ADAMTS6: variants seen among roughly 807,000 people sequenced by gnomAD.
The protein encoded by ADAMTS6 is ADAM metallopeptidase with thrombospondin type 1 motif 6.
Under a neutral mutation model 144.3 loss-of-function variants are expected in ADAMTS6, and 23 were observed. That is an observed-to-expected ratio of 0.16 (90% confidence interval 0.11 to 0.23). The LOEUF (loss-of-function observed/expected upper bound fraction) is 0.23, where lower values mean the gene tolerates loss of function less well. ADAMTS6 is among the 10% of genes least tolerant of loss of function. The pLI is 1.00. For synonymous variants in ADAMTS6, 444 were observed against 457.5 expected (o/e 0.97, Z 0.38); for missense variants, 999 against 1,379.6 (o/e 0.72, Z 4.37).
intron 21 of ADAMTS6, among the ~76,000 whole-genome samples, chr5:65,189,342 AT>A (rs1754862166): frequency 6.6e-6 from 1 of 152,168 alleles, no homozygotes; most frequent in Non-Finnish European, 1.5e-5. Context: ...CTGGTTTAGA[AT>A]TTTTATATCT....
intron 2 of ADAMTS6, among the ~76,000 whole-genome samples, chr5:65,472,318 T>C (rs1249289234): frequency 6.6e-6 from 1 of 152,172 alleles, no homozygotes; most frequent in Non-Finnish European, 1.5e-5. Flanking sequence ...CTAAGAAGTA[T>C]AGGCTTCTTT....
chr5:65,224,231 A>G, intron 18 of ADAMTS6, 89 bp downstream of exon 18: 1 of 1,073,674 alleles, frequency 9.3e-7, no homozygotes, highest in Middle Eastern at 2.0e-4. Flanking sequence ...ATCTACCTCA[A>G]AGAAGCATGC....
rs532785179 is a variant in ADAMTS6 at position 65,273,412 on chromosome 5, G to T, written c.1548C>A (p.Ser516Arg). The change falls in exon 12 of 25, where the codon AGC (serine) becomes AGA (arginine). Residue 516 changes from serine (S) to arginine (R), a missense_variant. Coordinates refer to ENST00000381055, the MANE Select transcript of ADAMTS6 (RefSeq NM_197941.4). ...VCRELWCLSK[S>R]NRCVTNSIPA... is the part of the protein sequence containing the mutation. ...GAATACTGTTGGTGACACAGCGGTTGCTTTTGCTGAGACACCAGAGCTCTC... is the reference window on the plus strand; with the variant it reads ...GAATACTGTTGGTGACACAGCGGTTTCTTTTGCTGAGACACCAGAGCTCTC... 3.7e-6 allele frequency: 6 copies of T among 1,613,838 alleles called. No homozygotes were observed. In the Admixed American group the frequency reaches 6.7e-5, roughly 18 times the overall value.
intron 11 of ADAMTS6, among the ~76,000 whole-genome samples, chr5:65,285,879 T>A (rs1763324301): frequency 6.6e-6 from 1 of 152,162 alleles, no homozygotes; most frequent in African/African-American, 2.4e-5. Flanking sequence ...AACAGTATAA[T>A]GTGAAACAGA....
intron 7 of ADAMTS6, among the ~76,000 whole-genome samples, chr5:65,402,158 C>T (rs535696270): frequency 6.6e-6 from 1 of 152,228 alleles, no homozygotes; most frequent in East Asian, 1.9e-4. Flanking sequence ...ACCGTCTTCA[C>T]ATAATTTTTT....
At chr5:65,277,251 G>A (rs1762614044) in intron 11 of ADAMTS6, among the ~76,000 whole-genome samples, 1 of 152,130 alleles carries the variant, frequency 6.6e-6, no homozygotes, top group Non-Finnish European at 1.5e-5. Flanking sequence ...TCAAGAATCT[G>A]CTATGCACCA....
chr5:65,406,484 C>T (rs1350909378), intron 7 of ADAMTS6, among the ~76,000 whole-genome samples: 1 of 152,064 alleles, frequency 6.6e-6, no homozygotes, highest in Non-Finnish European at 1.5e-5. Flanking sequence ...GCCTTGCATC[C>T]CAGGGATGAA....
intron 7 of ADAMTS6, among the ~76,000 whole-genome samples, chr5:65,404,827 G>A (rs888542230): frequency 5.1e-4 from 77 of 152,104 alleles, no homozygotes; most frequent in Non-Finnish European, 1.0e-3. Context: ...ACTTTTTAAT[G>A]ATCGCCATTC....
chr5:65,264,203 C>T (rs972930469), intron 12 of ADAMTS6, among the ~76,000 whole-genome samples: 3 of 152,142 alleles, frequency 2.0e-5, no homozygotes, highest in Non-Finnish European at 4.4e-5. Context: ...CATTATGCCA[C>T]CTTTTTGCTT....
intron 7 of ADAMTS6, among the ~76,000 whole-genome samples, chr5:65,443,494 C>T (rs557195543): frequency 5.3e-5 from 8 of 151,472 alleles, no homozygotes; most frequent in African/African-American, 1.7e-4. Context: ...TTGTGGTGCA[C>T]GCCTGTAGTA....
chr5:65,459,234 G>A (rs1759467719), intron 4 of ADAMTS6, among the ~76,000 whole-genome samples: 1 of 152,036 alleles, frequency 6.6e-6, no homozygotes, highest in African/African-American at 2.4e-5. Context: ...CTTAGCTCTA[G>A]TCTTGCTCTT....
chr5:65,234,403 TA>T (rs70983665), intron 15 of ADAMTS6, among the ~76,000 whole-genome samples: 140,255 of 143,552 alleles, frequency 0.98, 68,528 homozygotes, highest in East Asian at 1. Context: ...AACTCAATAG[TA>T]AAAAAAAAAA....
intron 7 of ADAMTS6, among the ~76,000 whole-genome samples, chr5:65,371,238 T>C (rs924478804): frequency 2.0e-5 from 3 of 152,226 alleles, no homozygotes; most frequent in Non-Finnish European, 4.4e-5. Context: ...AGGAATGCAG[T>C]TCCTCACCAG....
chr5:65,173,118 T>C, intron 22 of ADAMTS6, 110 bp from the exon 23 acceptor site: 1 of 1,073,162 alleles, frequency 9.3e-7, no homozygotes, highest in Admixed American at 2.6e-5. Context: ...TATACACATA[T>C]ACTAAGTTCT....
intron 20 of ADAMTS6, among the ~76,000 whole-genome samples, chr5:65,211,551 G>C (rs565972378): frequency 4.6e-5 from 7 of 151,486 alleles, no homozygotes; most frequent in African/African-American, 1.7e-4. Flanking sequence ...GCAGTGAGCC[G>C]AGATCACACC....
At chr5:65,299,475 C>T (rs915108959) in intron 10 of ADAMTS6, among the ~76,000 whole-genome samples, 14 of 152,066 alleles carry the variant, frequency 9.2e-5, no homozygotes, top group African/African-American at 3.4e-4. Context: ...CATTAAAGGA[C>T]CAAAAAGTTC....
chr5:65,300,572 A>T (rs1743259142), intron 9 of ADAMTS6, among the ~76,000 whole-genome samples: 1 of 152,180 alleles, frequency 6.6e-6, no homozygotes, highest in Non-Finnish European at 1.5e-5. Context: ...AACTACAAGA[A>T]GATAGCTATG....
intron 16 of ADAMTS6, 117 bp from the exon 17 acceptor site, chr5:65,225,164 G>A: frequency 8.4e-7 from 1 of 1,184,856 alleles, no homozygotes; most frequent in Non-Finnish European, 1.1e-6. Flanking sequence ...AGAAAAATAA[G>A]GTAATCCGTG....
intron 15 of ADAMTS6, among the ~76,000 whole-genome samples, chr5:65,226,941 G>T (rs1026769667): frequency 6.6e-6 from 1 of 152,052 alleles, no homozygotes; most frequent in Non-Finnish European, 1.5e-5. Flanking sequence ...CTAACAAACA[G>T]AAGTTTCTGC....
Sources: gnomAD v4.1 joint callset for allele counts (sites outside exome capture counted in the v4.1 genomes callset) on GRCh38, gnomAD v4.1.1 for gene constraint, MANE v1.5 for transcripts, NCBI Gene and HGNC (gene_info 2026-07-23, HGNC 2026-07-21) for gene names.